Variants in SRGAP3 observed in about 807,000 individuals in gnomAD.
SRGAP3 encodes the protein SLIT-ROBO Rho GTPase activating protein 3.
Under a neutral mutation model 121.1 loss-of-function variants are expected in SRGAP3, and 39 were observed. The observed-to-expected ratio is 0.32, with a 90% CI of 0.25 to 0.42. The LOEUF is 0.42. Ranked by LOEUF, SRGAP3 falls within the 10% of genes least tolerant of loss-of-function variation. The pLI is 1.00. For synonymous variants in SRGAP3, 601 were observed against 570.0 expected (o/e 1.05, Z -0.77); for missense variants, 1,213 against 1,470.6 (o/e 0.82, Z 2.86).
In SRGAP3 at chr3:9,092,251, C is replaced by A. The variant is rs543353480; in HGVS notation, c.424-12164G>T. Among the ~76,000 whole-genome samples the A allele has an allele frequency of 5.9e-5, 9 of 152,068 alleles. No homozygotes were observed. The South Asian group carries it at 1.9e-3, about 32-fold the overall frequency. On this transcript the variant is annotated intron_variant, in intron 3 of 21. Transcript: ENST00000383836. ...CCTCGGAATGGTTATGAAAAGTGAC[C>A]TGACATGGTCAGGCTAGGAGTTTCT...
chr3:9,110,553 C>T (rs1001197798), intron 2 of SRGAP3, among the ~76,000 whole-genome samples: 1 of 152,224 alleles, frequency 6.6e-6, no homozygotes, highest in African/African-American at 2.4e-5. Flanking sequence ...GGTGGCGCCT[C>T]CCCTCCTGCT....
intron 1 of SRGAP3, among the ~76,000 whole-genome samples, chr3:9,200,380 T>C (rs184979015): frequency 1.1e-4 from 17 of 152,310 alleles, no homozygotes; most frequent in Non-Finnish European, 2.1e-4. Context: ...GCCTATGACA[T>C]GCTATTTTGC....
At chr3:9,158,027 G>A (rs562807919) in intron 1 of SRGAP3, among the ~76,000 whole-genome samples, 1 of 152,132 alleles carries the variant, frequency 6.6e-6, no homozygotes, top group African/African-American at 2.4e-5. Flanking sequence ...ACCCTTCCAG[G>A]TATTATCAAG....
chr3:9,356,806 C>G (rs2125297256), intron 1 of SRGAP3, among the ~76,000 whole-genome samples: 1 of 152,100 alleles, frequency 6.6e-6, no homozygotes, highest in Non-Finnish European at 1.5e-5. Context: ...CTGTGCCCAG[C>G]CTGGGACATG....
intron 3 of SRGAP3, among the ~76,000 whole-genome samples, chr3:9,282,521 T>TA (rs1274735072): frequency 6.6e-6 from 1 of 152,106 alleles, no homozygotes; most frequent in Admixed American, 6.5e-5. Flanking sequence ...GACAGAGTCT[T>TA]ACTCTGTCGC....
intron 3 of SRGAP3, among the ~76,000 whole-genome samples, chr3:9,266,747 T>C (rs555784671): frequency 2.6e-4 from 40 of 151,702 alleles, no homozygotes; most frequent in Non-Finnish European, 5.6e-4. Context: ...CTCCCTCCAC[T>C]GCACTCCATT....
At chr3:9,262,998 G>A (rs891919655) in intron 3 of SRGAP3, among the ~76,000 whole-genome samples, 3 of 152,104 alleles carry the variant, frequency 2.0e-5, no homozygotes, top group African/African-American at 7.2e-5. Flanking sequence ...AAATGCAAAA[G>A]AATGGAAATC....
chr3:9,181,435 CAG>C lies in SRGAP3; in HGVS notation c.68-56520_68-56519del, dbSNP rs547604417. ...TGTAGCTCAGAAGTCCAGGTTGACT[CAG>C]GGGGTTTTTTGCTTAGAGTCTTATC... On this transcript the variant is annotated intron_variant, in intron 1 of 21. Transcript: ENST00000383836. Among the ~76,000 whole-genome samples the C allele has an allele frequency of 5.9e-5, 9 of 152,316 alleles. No homozygotes were observed. The East Asian group carries it at 1.5e-3, about 26-fold the overall frequency.
At position 8,985,175 on chromosome 3, in the gene SRGAP3, T is replaced by A; in HGVS notation, c.*344A>T. The A allele has an allele frequency of 2.4e-6, 1 of 419,666 alleles. No individual in the cohort carries two copies. The highest frequency in any genetic ancestry group is 4.4e-6 in the Non-Finnish European group (1 of 228,168). The allele number at this position is 419,666 out of a possible 1,614,324, so 26.0% of individuals were successfully genotyped here. A position where few individuals can be genotyped will look rare whatever the true frequency, so the allele number is the denominator to read the frequency against. Reference sequence around the variant, plus strand: ...ATGCACACATCGATATACACACACATATACGTATGTAGAGAGAATGTCGAG... The same window carrying A: ...ATGCACACATCGATATACACACACAAATACGTATGTAGAGAGAATGTCGAG... On this transcript the variant is annotated 3_prime_UTR_variant, in exon 22 of 22. Coordinates refer to ENST00000383836, the MANE Select transcript of SRGAP3 (RefSeq NM_014850.4). The surrounding 1 kb of genome is among the most constrained non-coding windows in gnomAD (Gnocchi z 5.1).
chr3:9,144,645 C>G (rs1288577826), intron 1 of SRGAP3, among the ~76,000 whole-genome samples: 1 of 152,202 alleles, frequency 6.6e-6, no homozygotes, highest in Non-Finnish European at 1.5e-5. Flanking sequence ...TTGCTTCTTC[C>G]TCATTTTCTC....
intron 2 of SRGAP3, among the ~76,000 whole-genome samples, chr3:9,108,596 TA>T (rs1279966231): frequency 6.6e-6 from 1 of 151,966 alleles, no homozygotes; most frequent in Admixed American, 6.6e-5. Flanking sequence ...CCAGCCTGAG[TA>T]ATAGGCAAGA....
At chr3:9,355,151 T>C (rs1332384215) in intron 1 of SRGAP3, among the ~76,000 whole-genome samples, 1 of 152,112 alleles carries the variant, frequency 6.6e-6, no homozygotes, top group Non-Finnish European at 1.5e-5. Flanking sequence ...ACCCTCAAAC[T>C]TCCTCTCCTT....
intron 10 of SRGAP3, among the ~76,000 whole-genome samples, chr3:9,044,364 C>G (rs1254985679): frequency 6.6e-6 from 1 of 152,192 alleles, no homozygotes; most frequent in Non-Finnish European, 1.5e-5. Flanking sequence ...GGTACCATAT[C>G]CAGAGTGGAT....
chr3:8,989,012 A>T (rs552812569), intron 21 of SRGAP3, among the ~76,000 whole-genome samples: 2 of 152,190 alleles, frequency 1.3e-5, no homozygotes, highest in Admixed American at 6.5e-5. Flanking sequence ...TAAAGGTTTT[A>T]TAAGTCTTAC....
At position 9,249,369 on chromosome 3, in the gene SRGAP3, T is replaced by A. The variant is rs916444811; in HGVS notation, c.-418A>T. On this transcript the variant is annotated 5_prime_UTR_variant, in exon 1 of 22. An upstream start codon of the reference 5' UTR is lost. Coordinates refer to ENST00000383836, the MANE Select transcript of SRGAP3 (RefSeq NM_014850.4). Reference sequence around the variant, plus strand: ...CACAGTTGTGCTGTGCACACAGGCATACACACACACACCCTCACACGCACA... The same window carrying A: ...CACAGTTGTGCTGTGCACACAGGCAAACACACACACACCCTCACACGCACA... 5.5e-6 allele frequency: 2 copies of A among 361,996 alleles called. No homozygotes were observed. Among genetic ancestry groups the A allele is most frequent in the Non-Finnish European group, 1.0e-5 (2 of 194,334 alleles). 22.4% of individuals were successfully genotyped at this position (361,996 alleles called of 1,614,324 possible).
chr3:9,245,304 T>C (rs764073898), intron 1 of SRGAP3, among the ~76,000 whole-genome samples: 2 of 152,178 alleles, frequency 1.3e-5, no homozygotes, highest in Non-Finnish European at 2.9e-5. Flanking sequence ...ACCCTTCTAC[T>C]GCCTGCACTG....
chr3:9,221,664 GC>G (rs146223816), intron 1 of SRGAP3, among the ~76,000 whole-genome samples: 1,571 of 152,086 alleles, frequency 0.01, 26 homozygotes, highest in African/African-American at 0.036. Flanking sequence ...CTCTGTCCAT[GC>G]TGATCTCCCA....
At chr3:9,315,399 G>C (rs1030296073) in intron 3 of SRGAP3, among the ~76,000 whole-genome samples, 1 of 152,228 alleles carries the variant, frequency 6.6e-6, no homozygotes, top group African/African-American at 2.4e-5. Context: ...CTGGGAAGAG[G>C]ATTTGATCAT....
chr3:9,061,250 G>T (rs1946156419), intron 5 of SRGAP3, among the ~76,000 whole-genome samples: 1 of 152,066 alleles, frequency 6.6e-6, no homozygotes, highest in Non-Finnish European at 1.5e-5. Context: ...CAATCAATAA[G>T]ACCCCTACCC....
Sources: gnomAD v4.1 joint callset for allele counts (sites outside exome capture counted in the v4.1 genomes callset) on GRCh38, gnomAD v4.1.1 for gene constraint, Gnocchi (gnomAD v3.1) non-coding constraint, MANE v1.5 for transcripts, NCBI Gene and HGNC (gene_info 2026-07-23, HGNC 2026-07-21) for gene names.